The following ADGRL3 variants were observed in gnomAD, a reference collection of about 807,000 sequenced individuals.
ADGRL3 encodes the protein calcium-independent alpha-latrotoxin receptor 3.
In ADGRL3, 62 loss-of-function variants were observed where a neutral mutation model predicts 153.5. The observed-to-expected ratio is 0.40, with a 90% CI of 0.33 to 0.50. The LOEUF (loss-of-function observed/expected upper bound fraction) is 0.50, where lower values mean the gene tolerates loss of function less well. ADGRL3 is among the 20% of genes least tolerant of loss of function. The pLI is 0.47. For missense variants in ADGRL3, 1,641 were observed against 1,859.4 expected (o/e 0.88, Z 2.16); for synonymous variants, 710 against 672.5 (o/e 1.06, Z -0.86).
chr4:61,675,667 A>ATTTATTTT (rs1394632392), intron 5 of ADGRL3, among the ~76,000 whole-genome samples: 2 of 147,312 alleles, frequency 1.4e-5, no homozygotes, highest in African/African-American at 5.0e-5. Context: ...TTATTTATTT[A>ATTTATTTT]TTTATTTTTG....
At chr4:61,822,552 A>G (rs771671607) in intron 9 of ADGRL3, among the ~76,000 whole-genome samples, 3 of 152,168 alleles carry the variant, frequency 2.0e-5, no homozygotes, top group Non-Finnish European at 2.9e-5. Flanking sequence ...GTTATTCAAT[A>G]TTGTCAGGAA....
At chr4:62,044,282 A>T (rs1174772360) in intron 24 of ADGRL3, among the ~76,000 whole-genome samples, 171 bp from the exon 25 acceptor site, 1 of 152,074 alleles carries the variant, frequency 6.6e-6, no homozygotes, top group East Asian at 1.9e-4. Flanking sequence ...TATTATCATG[A>T]AAGTTATTTC....
intron 2 of ADGRL3, among the ~76,000 whole-genome samples, chr4:61,462,202 C>T (rs1474937546): frequency 6.6e-6 from 1 of 152,064 alleles, no homozygotes; most frequent in Non-Finnish European, 1.5e-5. Context: ...AAGTTACAGC[C>T]TATGTATTGA....
chr4:61,295,085 C>T (rs140895454), intron 1 of ADGRL3, among the ~76,000 whole-genome samples: 7 of 152,244 alleles, frequency 4.6e-5, no homozygotes, highest in African/African-American at 1.4e-4. Context: ...TGAAATCTCA[C>T]GTTGTCCTGC....
At chr4:61,690,145 C>A (rs1285485758) in intron 6 of ADGRL3, among the ~76,000 whole-genome samples, 1 of 152,002 alleles carries the variant, frequency 6.6e-6, no homozygotes, top group Non-Finnish European at 1.5e-5. Context: ...TCATAGATAC[C>A]AAAAGTTGTC....
intron 9 of ADGRL3, among the ~76,000 whole-genome samples, chr4:61,883,875 C>G (rs1264181050): frequency 1.3e-5 from 2 of 151,984 alleles, no homozygotes; most frequent in Admixed American, 1.3e-4. Flanking sequence ...TCTGAATCCC[C>G]GATGCCCAGC....
intron 8 of ADGRL3, among the ~76,000 whole-genome samples, chr4:61,755,425 A>C (rs1484306746): frequency 6.6e-6 from 1 of 152,102 alleles, no homozygotes; most frequent in African/African-American, 2.4e-5. Context: ...TTCTTTTGAG[A>C]AGTGTCTGTT....
At chr4:61,294,712 T>TTTGA (rs1316306132) in intron 1 of ADGRL3, among the ~76,000 whole-genome samples, 1 of 152,130 alleles carries the variant, frequency 6.6e-6, no homozygotes, top group Non-Finnish European at 1.5e-5. Flanking sequence ...TGTTCTGCCC[T>TTTGA]TTGATTAGAG....
At chr4:61,523,791 T>G (rs1211147713) in intron 4 of ADGRL3, among the ~76,000 whole-genome samples, 1 of 152,076 alleles carries the variant, frequency 6.6e-6, no homozygotes, top group Non-Finnish European at 1.5e-5. Flanking sequence ...ATAAGCTCAG[T>G]CTTTTTTTCT....
At position 61,716,501 on chromosome 4, in the gene ADGRL3, G is replaced by A. The variant is rs147024635; in HGVS notation, c.584-14121G>A. 5.6e-3 allele frequency among the ~76,000 whole-genome samples: 858 copies of A among 152,216 alleles called. 29 individuals carry two copies. Among genetic ancestry groups the A allele is most frequent in the Admixed American group, 0.052 (797 of 15,284 alleles). On this transcript the variant is annotated intron_variant, in intron 6 of 26. Coordinates refer to ENST00000683033, the MANE Select transcript of ADGRL3 (RefSeq NM_001387552.1). The stretch of plus-strand genomic sequence containing the variant: ...CAGATTTATTGAGTTAGCTTGTAGC[G>A]AAATGAGTTTGCTCCATTTTCACAT...
chr4:61,380,684 C>T (rs557893357), intron 1 of ADGRL3, among the ~76,000 whole-genome samples: 15 of 151,930 alleles, frequency 9.9e-5, no homozygotes, highest in Non-Finnish European at 1.6e-4. Flanking sequence ...CGCTTTCGAA[C>T]GATATGGAAC....
intron 8 of ADGRL3, among the ~76,000 whole-genome samples, chr4:61,786,015 T>C (rs906143439): frequency 1.3e-5 from 2 of 152,130 alleles, no homozygotes; most frequent in African/African-American, 4.8e-5. Context: ...GGCAGTGTAG[T>C]GTTATATAAT....
chr4:61,742,436 G>T (rs6857338), intron 8 of ADGRL3, among the ~76,000 whole-genome samples: 2 of 151,760 alleles, frequency 1.3e-5, no homozygotes, highest in Admixed American at 6.6e-5. Flanking sequence ...CCGCCACCAC[G>T]CCCGGCTAAT....
chr4:61,424,644 C>G (rs1298717245), intron 2 of ADGRL3, among the ~76,000 whole-genome samples: 3 of 152,200 alleles, frequency 2.0e-5, no homozygotes, highest in Non-Finnish European at 2.9e-5. Context: ...CCTATAAGGG[C>G]ACAGATGCCA....
Position 61,948,174 on chromosome 4 carries a change from A to G in ADGRL3, c.2703A>G (p.Ser901=). 1 of 1,613,828 alleles carries G rather than the reference A, an allele frequency of 6.2e-7. No homozygotes were observed. Among genetic ancestry groups the G allele is most frequent in the African/African-American group, 1.3e-5 (1 of 75,058 alleles). Residue 901 remains serine, a synonymous_variant, in exon 17 of 27, where the codon TCA becomes TCG. Transcript: ENST00000683033. The stretch of plus-strand genomic sequence containing the variant: ...AGCGTACAATGACAGGTTATTGGTC[A>G]ACACAAGGCTGTCGGCTCCTGACAA... The part of the protein sequence containing the change: ...YSKRTMTGYW[S]TQGCRLLTTN...
chr4:61,630,969 G>A (rs7678777), intron 5 of ADGRL3, among the ~76,000 whole-genome samples: 143,808 of 152,296 alleles, frequency 0.94, 68,083 homozygotes, highest in Middle Eastern at 0.99. Flanking sequence ...TGCTTACTAC[G>A]TGATTAAATG....
intron 22 of ADGRL3, among the ~76,000 whole-genome samples, chr4:62,029,095 T>C (rs1720514070): frequency 6.6e-6 from 1 of 151,792 alleles, no homozygotes; most frequent in African/African-American, 2.4e-5. Flanking sequence ...TCACCTCTGT[T>C]AATTGGATAT....
chr4:61,454,851 G>T (rs1171441083), intron 2 of ADGRL3, among the ~76,000 whole-genome samples: 1 of 152,074 alleles, frequency 6.6e-6, no homozygotes, highest in Non-Finnish European at 1.5e-5. Context: ...AATGAGAGTA[G>T]TGTATGTCTT....
At chr4:61,916,109 T>A (rs1380078339) in intron 13 of ADGRL3, among the ~76,000 whole-genome samples, 1 of 152,188 alleles carries the variant, frequency 6.6e-6, no homozygotes, top group Non-Finnish European at 1.5e-5. Context: ...AGTGAAATTT[T>A]AACTATCAGT....
Sources: allele counts gnomAD v4.1 joint callset (sites outside exome capture counted in the v4.1 genomes callset), GRCh38; gene constraint gnomAD v4.1.1; transcripts MANE v1.5; gene names NCBI Gene and HGNC (gene_info 2026-07-23, HGNC 2026-07-21).